The following RBM33 variants were observed in gnomAD, a reference collection of about 807,000 sequenced individuals.
RBM33 encodes the protein RNA-binding protein 33.
RBM33 carries 28 observed loss-of-function variants against 132.6 expected under a neutral mutation model. That is an observed-to-expected ratio of 0.21 (90% CI 0.16 to 0.29). The LOEUF (loss-of-function observed/expected upper bound fraction) is 0.29, where lower values mean the gene tolerates loss of function less well. Ranked by LOEUF, RBM33 falls within the 10% of genes least tolerant of loss-of-function variation. The pLI, the probability that RBM33 is intolerant of heterozygous loss-of-function variation, is 1.00. For missense variants in RBM33, 1,291 were observed against 1,518.5 expected (o/e 0.85, Z 2.49); for synonymous variants, 634 against 593.0 (o/e 1.07, Z -1.01).
chr7:155,741,374 A>G (rs1298655743), intron 12 of RBM33, among the ~76,000 whole-genome samples: 1 of 152,152 alleles, frequency 6.6e-6, no homozygotes, highest in Non-Finnish European at 1.5e-5. Context: ...TTCTTAGGAC[A>G]TTGACCTGAT....
intron 2 of RBM33, among the ~76,000 whole-genome samples, chr7:155,670,677 G>A (rs1212151343): frequency 6.6e-6 from 1 of 152,156 alleles, no homozygotes; most frequent in Non-Finnish European, 1.5e-5. Flanking sequence ...AAAAGCTCGT[G>A]TGTGTGGAAC....
In RBM33 at chr7:155,745,643, T is replaced by C. The variant is rs1801493537; in HGVS notation, c.2979+41T>C. Reference sequence around the variant, plus strand: ...TTATGAGAGCCTCTTTGAGTCTGTGTATCACATAGAATGTCCTCATTTGCA... The same window carrying C: ...TTATGAGAGCCTCTTTGAGTCTGTGCATCACATAGAATGTCCTCATTTGCA... On this transcript the variant is annotated intron_variant, in intron 14 of 17. Transcript: ENST00000401878. This position sits in a 1 kb window ranked among gnomAD's most constrained non-coding sequence, Gnocchi z 4.1. The C allele has an allele frequency of 6.7e-7, 1 of 1,487,184 alleles. No individual in the cohort carries two copies. The highest frequency in any genetic ancestry group is 2.3e-5 in the East Asian group (1 of 42,840). The allele number at this position is 1,487,184 out of a possible 1,614,324, so 92.1% of individuals were successfully genotyped here.
intron 9 of RBM33, among the ~76,000 whole-genome samples, chr7:155,731,055 A>T (rs1033174427): frequency 1.3e-5 from 2 of 152,254 alleles, no homozygotes; most frequent in African/African-American, 4.8e-5. Flanking sequence ...AAAGAGCTAA[A>T]GACAGAGTCC....
At chr7:155,765,508 G>GTTC (rs1180216232) in intron 15 of RBM33, among the ~76,000 whole-genome samples, 1 of 152,156 alleles carries the variant, frequency 6.6e-6, no homozygotes, top group Non-Finnish European at 1.5e-5. Context: ...AAGTCCTGAG[G>GTTC]TTCTATTCCA....
At chr7:155,758,850 G>A (rs1801936648) in intron 14 of RBM33, among the ~76,000 whole-genome samples, 1 of 152,144 alleles carries the variant, frequency 6.6e-6, no homozygotes, top group South Asian at 2.1e-4. Context: ...ACCACCGAGA[G>A]CCAGACCCAC....
intron 5 of RBM33, among the ~76,000 whole-genome samples, chr7:155,698,562 C>G (rs1184107760): frequency 6.6e-6 from 1 of 152,156 alleles, no homozygotes; most frequent in Non-Finnish European, 1.5e-5. Context: ...GGTGGTTTGT[C>G]AGGTTAGTTT....
rs761038255 is a variant in RBM33, at chr7:155,728,002, TC to T, written c.1261-9527del. On this transcript the variant is annotated intron_variant, in intron 9 of 17. Coordinates refer to ENST00000401878, the MANE Select transcript of RBM33 (RefSeq NM_053043.3). ...CTAGGCTGGTCTCGAACTCCTGGGC[TC>T]AAGCAGTCAGCCCACCTTGGGGTCC... Among the ~76,000 whole-genome samples the T allele has an allele frequency of 7.9e-5, 12 of 152,280 alleles. No homozygotes were observed. The Middle Eastern group carries it at 0.01, about 129-fold the overall frequency.
At chr7:155,680,365 C>T (rs534459111) in intron 4 of RBM33, among the ~76,000 whole-genome samples, 1 of 152,272 alleles carries the variant, frequency 6.6e-6, no homozygotes, top group Non-Finnish European at 1.5e-5. Context: ...AGTCTGTGGC[C>T]GGCTCCATAT....
At chr7:155,664,883 A>G (rs2116890995) in intron 1 of RBM33, among the ~76,000 whole-genome samples, 1 of 150,576 alleles carries the variant, frequency 6.6e-6, no homozygotes, top group African/African-American at 2.4e-5. Context: ...CTCAAAACCC[A>G]TTTTATAAAG....
chr7:155,760,305 A>G (rs1463834619), intron 14 of RBM33, among the ~76,000 whole-genome samples: 1 of 152,232 alleles, frequency 6.6e-6, no homozygotes, highest in Non-Finnish European at 1.5e-5. Flanking sequence ...GCTTAAGTTC[A>G]TACGATGGAA....
At chr7:155,734,565 A>T (rs1389887029) in intron 9 of RBM33, among the ~76,000 whole-genome samples, 1 of 152,042 alleles carries the variant, frequency 6.6e-6, no homozygotes, top group Non-Finnish European at 1.5e-5. Flanking sequence ...TCAGGCTGTG[A>T]TATTGTCTCT....
chr7:155,712,564 C>T (rs995566393), intron 8 of RBM33, among the ~76,000 whole-genome samples: 1 of 152,134 alleles, frequency 6.6e-6, no homozygotes, highest in African/African-American at 2.4e-5. Flanking sequence ...TGGGTTGTAT[C>T]TTAAATGGGG....
chr7:155,652,109 A>G (rs1426270691), intron 1 of RBM33, among the ~76,000 whole-genome samples: 1 of 152,228 alleles, frequency 6.6e-6, no homozygotes, highest in Non-Finnish European at 1.5e-5. Context: ...TTCCTCATCT[A>G]TAAAATAAGG....
chr7:155,702,654 G>A (rs557125411), intron 6 of RBM33, among the ~76,000 whole-genome samples: 2 of 152,286 alleles, frequency 1.3e-5, no homozygotes, highest in African/African-American at 4.8e-5. Context: ...ATGGACAAAG[G>A]AAAGCTCTCC....
At chr7:155,743,208 A>G (rs1801406732) in intron 13 of RBM33, among the ~76,000 whole-genome samples, 1 of 152,262 alleles carries the variant, frequency 6.6e-6, no homozygotes. Flanking sequence ...ATGTGAAAAA[A>G]TAATGTAGAT....
intron 16 of RBM33, among the ~76,000 whole-genome samples, chr7:155,772,544 A>G (rs1476076466): frequency 6.6e-6 from 1 of 152,244 alleles, no homozygotes; most frequent in African/African-American, 2.4e-5. Context: ...ATTGCAAGCC[A>G]TATTGCTGAG....
intron 1 of RBM33, among the ~76,000 whole-genome samples, chr7:155,646,120 T>C (rs1429055777): frequency 6.6e-6 from 1 of 152,180 alleles, no homozygotes. Context: ...AACTCTTGGG[T>C]GAACACTCTT....
chr7:155,686,518 T>C (rs1799482682), intron 5 of RBM33, among the ~76,000 whole-genome samples: 1 of 152,062 alleles, frequency 6.6e-6, no homozygotes, highest in Admixed American at 6.5e-5. Flanking sequence ...CTAGGGTACA[T>C]GTGCATAACG....
chr7:155,690,740 T>C (rs1323206866), intron 5 of RBM33, among the ~76,000 whole-genome samples: 1 of 152,218 alleles, frequency 6.6e-6, no homozygotes, highest in Non-Finnish European at 1.5e-5. Context: ...TTAGTTTGGC[T>C]GGATATGAAA....
Sources: allele counts gnomAD v4.1 joint callset (sites outside exome capture counted in the v4.1 genomes callset), GRCh38; gene constraint gnomAD v4.1.1; non-coding constraint Gnocchi (gnomAD v3.1); transcripts MANE v1.5; gene names NCBI Gene and HGNC (gene_info 2026-07-23, HGNC 2026-07-21).